CBFA2T3: variants seen among roughly 807,000 people sequenced by gnomAD.
The protein encoded by CBFA2T3 is transcriptional corepressor CBFA2T3.
CBFA2T3 carries 31 observed loss-of-function variants against 58.6 expected under a neutral mutation model. The observed-to-expected ratio is 0.53, with a 90% CI of 0.40 to 0.71. CBFA2T3 has a LOEUF of 0.71. CBFA2T3 is among the 30% of genes least tolerant of loss of function. CBFA2T3 has a pLI of 0.00. For missense variants in CBFA2T3, 1,076 were observed against 963.1 expected (o/e 1.12, Z -1.55); for synonymous variants, 531 against 421.9 (o/e 1.26, Z -3.17).
chr16:88,886,888 A>G (rs567383807), intron 5 of CBFA2T3: 2 of 152,416 alleles, frequency 1.3e-5, no homozygotes, highest in African/African-American at 2.4e-5. Flanking sequence ...CGGGATCCGT[A>G]TGCAGACCCT....
intron 3 of CBFA2T3, among the ~76,000 whole-genome samples, chr16:88,892,910 C>A (rs1969704941): frequency 6.6e-6 from 1 of 152,204 alleles, no homozygotes; most frequent in Admixed American, 6.5e-5. Context: ...TGAAGTCAGG[C>A]CCTTCACACC....
intron 1 of CBFA2T3, among the ~76,000 whole-genome samples, chr16:88,915,931 C>T (rs181207781): frequency 3.3e-5 from 5 of 151,958 alleles, no homozygotes; most frequent in Admixed American, 1.3e-4. Context: ...GGCATGTGTG[C>T]GTGTGAGTGT....
intron 8 of CBFA2T3, 73 bp downstream of exon 8, chr16:88,882,591 CATGGCTGTGTGT>C (rs1211484727): frequency 1.5e-5 from 10 of 671,486 alleles, no homozygotes; most frequent in African/African-American, 1.4e-4. Context: ...GCTGTGTGTG[CATGGCTGTGTGT>C]GCGTGGCTGT....
intron 1 of CBFA2T3, among the ~76,000 whole-genome samples, chr16:88,971,608 C>G (rs1351255840): frequency 6.6e-6 from 1 of 152,230 alleles, no homozygotes; most frequent in Non-Finnish European, 1.5e-5. Flanking sequence ...CTGAGAACTT[C>G]ATTGGCGCCT....
chr16:88,930,744 GA>G (rs1363206565), intron 1 of CBFA2T3, among the ~76,000 whole-genome samples: 1 of 55,426 alleles, frequency 1.8e-5, no homozygotes, highest in Non-Finnish European at 3.6e-5. Context: ...GGAGATGGGG[GA>G]GGGGGCAGAC....
intron 1 of CBFA2T3, chr16:88,941,180 T>A (rs1971713994): frequency 1.0e-6 from 1 of 980,244 alleles, no homozygotes; most frequent in Non-Finnish European, 1.2e-6. Context: ...GCGGCGGGGC[T>A]GGGGCGCGCG....
chr16:88,894,053 G>A (rs1290841356), intron 3 of CBFA2T3, among the ~76,000 whole-genome samples: 4 of 152,156 alleles, frequency 2.6e-5, no homozygotes, highest in Admixed American at 1.3e-4. Context: ...CCCGCCTCCT[G>A]CAGAAGGACA....
chr16:88,898,005 C>T (rs942402944), intron 3 of CBFA2T3, 73 bp downstream of exon 3: 1 of 1,091,778 alleles, frequency 9.2e-7, no homozygotes, highest in East Asian at 2.4e-5. Context: ...CCCAGGGCAG[C>T]AGTGTTGGGC....
intron 1 of CBFA2T3, among the ~76,000 whole-genome samples, chr16:88,972,370 C>G (rs904848919): frequency 6.6e-6 from 1 of 152,174 alleles, no homozygotes; most frequent in Non-Finnish European, 1.5e-5. Flanking sequence ...ACCGTCCACT[C>G]TCCTGAGGAC....
Position 88,875,407 on chromosome 16 carries a change from C to T in CBFA2T3, c.*1569G>A, listed in dbSNP as rs1968792535. 4.3e-6 allele frequency: 1 copy of T among 233,370 alleles called. No individual in the cohort carries two copies. The highest frequency in any genetic ancestry group is 8.5e-6 in the Non-Finnish European group (1 of 118,266). 14.5% of individuals were successfully genotyped at this position (233,370 alleles called of 1,614,324 possible). A position where few individuals can be genotyped will look rare whatever the true frequency, so the allele number is the denominator to read the frequency against. ...ACGTCACCGAGACACACCCCAGGGC[C>T]AGAGGCGAACGCATCTGAGGGGTGG... On this transcript the variant is annotated 3_prime_UTR_variant, in exon 12 of 12. Transcript: ENST00000268679.
chr16:88,893,667 T>C (rs1480342116), intron 3 of CBFA2T3, among the ~76,000 whole-genome samples: 7 of 152,212 alleles, frequency 4.6e-5, no homozygotes, highest in Non-Finnish European at 4.4e-5. Context: ...CAGGGCCGCC[T>C]GTTGGCCACT....
intron 1 of CBFA2T3, among the ~76,000 whole-genome samples, chr16:88,926,316 C>T (rs183723744): frequency 6.6e-6 from 1 of 152,310 alleles, no homozygotes; most frequent in Non-Finnish European, 1.5e-5. Context: ...CTCCAATGTC[C>T]AGCTGGACAA....
intron 1 of CBFA2T3, among the ~76,000 whole-genome samples, chr16:88,913,574 C>T (rs1039596184): frequency 6.6e-6 from 1 of 152,204 alleles, no homozygotes; most frequent in Non-Finnish European, 1.5e-5. Flanking sequence ...CATCTTGTCT[C>T]TAGCCGAACC....
intron 3 of CBFA2T3, among the ~76,000 whole-genome samples, chr16:88,892,695 C>G (rs1969692569): frequency 6.6e-6 from 1 of 152,224 alleles, no homozygotes; most frequent in African/African-American, 2.4e-5. Context: ...TGCTGACCAT[C>G]TGTCCTTCCG....
chr16:88,934,930 C>T (rs1163161831), intron 1 of CBFA2T3, among the ~76,000 whole-genome samples: 3 of 152,172 alleles, frequency 2.0e-5, no homozygotes, highest in South Asian at 2.1e-4. Context: ...TTAGTAGAGA[C>T]GGGGTTTCAC....
intron 1 of CBFA2T3, chr16:88,939,780 C>G (rs1187499648): frequency 1.3e-5 from 2 of 152,296 alleles, no homozygotes; most frequent in Admixed American, 6.5e-5. Flanking sequence ...GCCTCCTCCC[C>G]TGCCGCGAAA....
At chr16:88,916,076 GCATGTGTGTATT>G (rs1473237955) in intron 1 of CBFA2T3, among the ~76,000 whole-genome samples, 2 of 152,004 alleles carry the variant, frequency 1.3e-5, no homozygotes, top group Non-Finnish European at 2.9e-5. Context: ...GTGTATTCAT[GCATGTGTGTATT>G]CATGTGTGTG....
chr16:88,960,276 CG>C (rs1461639112), intron 1 of CBFA2T3, among the ~76,000 whole-genome samples: 2 of 152,136 alleles, frequency 1.3e-5, no homozygotes, highest in African/African-American at 4.8e-5. Context: ...TCAATGTGGA[CG>C]GCATCTGTGA....
At chr16:88,944,576 GC>G (rs1331193106) in intron 1 of CBFA2T3, among the ~76,000 whole-genome samples, 2 of 152,180 alleles carry the variant, frequency 1.3e-5, no homozygotes, top group Non-Finnish European at 2.9e-5. Context: ...AACAACTGCA[GC>G]CTTCTGTCCT....
Sources: allele counts gnomAD v4.1 joint callset (sites outside exome capture counted in the v4.1 genomes callset), GRCh38; gene constraint gnomAD v4.1.1; transcripts MANE v1.5; gene names NCBI Gene and HGNC (gene_info 2026-07-23, HGNC 2026-07-21).